COLEC12: variants seen among roughly 807,000 people sequenced by gnomAD.
COLEC12 encodes collectin subfamily member 12, also known as collectin-12.
In COLEC12, 33 loss-of-function variants were observed where a neutral mutation model predicts 71.1. That is an observed-to-expected ratio of 0.46 (90% confidence interval 0.35 to 0.62). COLEC12 has a LOEUF of 0.62. Ranked by LOEUF, COLEC12 falls within the 20% of genes least tolerant of loss-of-function variation. COLEC12 has a pLI of 0.00. For missense variants in COLEC12, 765 were observed against 916.1 expected (o/e 0.84, Z 2.13); for synonymous variants, 350 against 353.0 (o/e 0.99, Z 0.10).
intron 2 of COLEC12, among the ~76,000 whole-genome samples, chr18:473,364 C>CCAGCTCAAA (rs1555622380): frequency 6.6e-6 from 1 of 151,926 alleles, no homozygotes; most frequent in Non-Finnish European, 1.5e-5. Flanking sequence ...GCTCAAATCT[C>CCAGCTCAAA]TTTTTTTTAT....
intron 2 of COLEC12, among the ~76,000 whole-genome samples, chr18:415,894 C>T (rs1291278303): frequency 1.3e-5 from 2 of 152,180 alleles, no homozygotes; most frequent in African/African-American, 4.8e-5. Flanking sequence ...CCTAATTACA[C>T]TGTAATGCAC....
At chr18:452,663 A>G (rs12607297) in intron 2 of COLEC12, among the ~76,000 whole-genome samples, 39,676 of 152,152 alleles carry the variant, frequency 0.26, 5,240 homozygotes, top group African/African-American at 0.3. Flanking sequence ...CTATTACCCC[A>G]ACAAAACCAT....
chr18:477,869 T>C, intron 2 of COLEC12, among the ~76,000 whole-genome samples: 1 of 152,164 alleles, frequency 6.6e-6, no homozygotes, highest in Non-Finnish European at 1.5e-5. Context: ...TTGACATGTC[T>C]CTGGACACCT....
intron 2 of COLEC12, among the ~76,000 whole-genome samples, chr18:410,527 C>T (rs976363275): frequency 6.6e-6 from 1 of 152,030 alleles, no homozygotes. Flanking sequence ...CAACCTCCAC[C>T]TCCTGGGTTC....
intron 2 of COLEC12, among the ~76,000 whole-genome samples, chr18:387,375 C>G (rs1915367850): frequency 6.6e-6 from 1 of 152,162 alleles, no homozygotes; most frequent in African/African-American, 2.4e-5. Flanking sequence ...GCACCCTCTA[C>G]TAGCCTTTTC....
intron 1 of COLEC12, among the ~76,000 whole-genome samples, chr18:483,340 T>C (rs1199016349): frequency 6.8e-6 from 1 of 146,954 alleles, no homozygotes; most frequent in African/African-American, 2.5e-5. Context: ...GAGTTTGCAG[T>C]GAGCCAAGAT....
At chr18:438,799 T>C (rs1242118257) in intron 2 of COLEC12, among the ~76,000 whole-genome samples, 3 of 90,244 alleles carry the variant, frequency 3.3e-5, no homozygotes, top group Non-Finnish European at 7.8e-5. Context: ...TAAGACCTTG[T>C]CTCAAAAAAA....
chr18:486,895 G>A (rs745625685), intron 1 of COLEC12, among the ~76,000 whole-genome samples: 3 of 152,186 alleles, frequency 2.0e-5, no homozygotes, highest in Non-Finnish European at 4.4e-5. Context: ...CAGCCACCAT[G>A]GAAAACAGTC....
intron 5 of COLEC12, among the ~76,000 whole-genome samples, chr18:339,768 T>G (rs1283302609): frequency 6.6e-6 from 1 of 152,138 alleles, no homozygotes; most frequent in Admixed American, 6.5e-5. Context: ...GATCAGGAGA[T>G]TCACATAATC....
At chr18:396,323 C>T (rs953624681) in intron 2 of COLEC12, among the ~76,000 whole-genome samples, 8 of 152,140 alleles carry the variant, frequency 5.3e-5, no homozygotes, top group African/African-American at 1.9e-4. Context: ...TCTCCAAATC[C>T]CTGCAGTCTC....
intron 1 of COLEC12, among the ~76,000 whole-genome samples, chr18:481,517 C>G (rs772281116): frequency 0.011 from 1,636 of 152,206 alleles, 10 homozygotes; most frequent in Non-Finnish European, 0.017. Context: ...CCAGCCTGGC[C>G]AACATGGTGA....
At chr18:441,895 G>A (rs974635684) in intron 2 of COLEC12, among the ~76,000 whole-genome samples, 1 of 150,186 alleles carries the variant, frequency 6.7e-6, no homozygotes, top group African/African-American at 2.5e-5. Context: ...AGCTACTTGG[G>A]AGGCTGAGGT....
chr18:323,708 ATTTT>A (rs1018686703), intron 8 of COLEC12, among the ~76,000 whole-genome samples: 5 of 152,124 alleles, frequency 3.3e-5, no homozygotes, highest in Admixed American at 2.0e-4. Context: ...GTTTGATTCC[ATTTT>A]TGTTTATAAA....
intron 2 of COLEC12, among the ~76,000 whole-genome samples, chr18:464,857 T>A (rs1390543339): frequency 2.0e-5 from 3 of 152,214 alleles, no homozygotes; most frequent in African/African-American, 7.2e-5. Flanking sequence ...TATTGAGAGT[T>A]AGCAGGTTCA....
chr18:396,198 A>G (rs951316686), intron 2 of COLEC12, among the ~76,000 whole-genome samples: 1 of 152,180 alleles, frequency 6.6e-6, no homozygotes, highest in Non-Finnish European at 1.5e-5. Context: ...TGTGTTTGGG[A>G]GAGTGGCAGC....
chr18:326,417 A>T (rs1228079578), intron 8 of COLEC12, among the ~76,000 whole-genome samples: 1 of 151,992 alleles, frequency 6.6e-6, no homozygotes, highest in Non-Finnish European at 1.5e-5. Context: ...GTGCGATGTC[A>T]GCTCACTGCA....
At chr18:413,237 A>C (rs11873313) in intron 2 of COLEC12, among the ~76,000 whole-genome samples, 9,396 of 152,284 alleles carry the variant, frequency 0.062, 370 homozygotes, top group East Asian at 0.15. Context: ...GCAAATAAAC[A>C]CATAGAAAGA....
At chr18:336,397 C>T (rs1296625823) in intron 5 of COLEC12, among the ~76,000 whole-genome samples, 2 of 152,168 alleles carry the variant, frequency 1.3e-5, no homozygotes, top group Non-Finnish European at 2.9e-5. Context: ...TGTGGACCAT[C>T]TAATTGGGAA....
intron 2 of COLEC12, among the ~76,000 whole-genome samples, chr18:383,047 C>T (rs7233716): frequency 6.2e-4 from 94 of 151,962 alleles, no homozygotes; most frequent in Admixed American, 2.7e-3. Flanking sequence ...CATTTTACAA[C>T]GCAATTCCCC....
Sources: allele counts gnomAD v4.1 joint callset (sites outside exome capture counted in the v4.1 genomes callset), GRCh38; gene constraint gnomAD v4.1.1; transcripts MANE v1.5; gene names NCBI Gene and HGNC (gene_info 2026-07-23, HGNC 2026-07-21).